APBB1: variants seen among roughly 807,000 people sequenced by gnomAD.
APBB1 encodes the protein adaptor protein FE65a2.
In APBB1, 22 loss-of-function variants were observed where a neutral mutation model predicts 78.4. The observed-to-expected ratio is 0.28, with a 90% CI of 0.20 to 0.40. The LOEUF is 0.40. Among genes scored for constraint, APBB1 ranks in the 10% least tolerant of loss-of-function variants. The pLI is 1.00. For missense variants in APBB1, 749 were observed against 932.4 expected (o/e 0.80, Z 2.56); for synonymous variants, 369 against 372.7 (o/e 0.99, Z 0.12).
chr11:6,396,325 A>C, intron 12 of APBB1, 110 bp from the exon 13 acceptor site: 1 of 892,520 alleles, frequency 1.1e-6, no homozygotes, highest in Non-Finnish European at 1.7e-6. Flanking sequence ...CCCCATCCCC[A>C]CTTTGCCAGC....
chr11:6,410,994 A>C lies in APBB1; in HGVS notation c.354T>G (p.Ser118=), dbSNP rs1490363160. Residue 118 remains serine (S), a synonymous_variant, in exon 2 of 15, where the codon TCT becomes TCG. Transcript: ENST00000609360. Reference sequence around the variant, plus strand: ...CGTTGTGAGCTGAGAGCTCCAGCTCAGAGTACAGGTGTATCAGGCCTTTGG... The same window carrying C: ...CGTTGTGAGCTGAGAGCTCCAGCTCCGAGTACAGGTGTATCAGGCCTTTGG... The part of the protein sequence containing the change: ...LGPKGLIHLY[S]ELELSAHNAA... 1 of 1,614,166 alleles carries C rather than the reference A, an allele frequency of 6.2e-7. No homozygotes were observed. The highest frequency in any genetic ancestry group is 2.2e-5 in the East Asian group (1 of 44,870).
At chr11:6,404,736 G>A in intron 2 of APBB1, 1 of 1,536,212 alleles carries the variant, frequency 6.5e-7, no homozygotes, top group Non-Finnish European at 8.7e-7. Context: ...ACCTCATGCT[G>A]CCCCTCACCT....
At chr11:6,405,226 C>T (rs754248985) in intron 2 of APBB1, 80 of 1,048,138 alleles carry the variant, frequency 7.6e-5, no homozygotes, top group Non-Finnish European at 9.2e-5. Context: ...GAGCCTATAG[C>T]TGTCAGCATA....
rs777348403 is a variant in APBB1 at position 6,403,859 on chromosome 11, C to T, written c.722-37G>A. 6.6e-7 allele frequency: 1 copy of T among 1,520,544 alleles called. No individual in the cohort carries two copies. Among genetic ancestry groups the T allele is most frequent in the Non-Finnish European group, 8.8e-7 (1 of 1,133,720 alleles). 94.2% of individuals were successfully genotyped at this position (1,520,544 alleles called of 1,614,324 possible). ...GAGGCTTGGTGAGGGTCAGCCTACC[C>T]AAAGAGCAGACAGCTGGTGCCTATG... On this transcript the variant is annotated intron_variant, in intron 2 of 14. Coordinates refer to ENST00000609360, the MANE Select transcript of APBB1 (RefSeq NM_001164.5). The surrounding 1 kb of genome is among the most constrained non-coding windows in gnomAD (Gnocchi z 5.3).
intron 12 of APBB1, 44 bp downstream of exon 12, chr11:6,400,945 T>C (rs766309407): frequency 1.3e-6 from 2 of 1,577,580 alleles, no homozygotes; most frequent in Admixed American, 3.3e-5. Context: ...GGCAGAGTTT[T>C]AGGATCAAGG....
Position 6,401,542 on chromosome 11 carries a change from G to C in APBB1, c.1503+32C>G. On this transcript the variant is annotated intron_variant, in intron 10 of 14. Transcript: ENST00000609360. The surrounding 1 kb of genome is among the most constrained non-coding windows in gnomAD (Gnocchi z 4.5). ...CCCACACCCTTGTAGAGCAAAGGTG[G>C]CAACTAGTCCAGGGAGTGGAGGGGG... The C allele has an allele frequency of 1.2e-6, 2 of 1,614,088 alleles. No individual in the cohort carries two copies. The highest frequency in any genetic ancestry group is 1.7e-6 in the Non-Finnish European group (2 of 1,179,976).
upstream of APBB1, chr11:6,419,416 T>G: frequency 1.8e-5 from 3 of 165,148 alleles, no homozygotes; most frequent in Non-Finnish European, 2.6e-5. Flanking sequence ...GGAGCCCGAA[T>G]GGCGGCGGCT....
At chr11:6,418,162 A>G (rs1849168352) in intron 1 of APBB1, among the ~76,000 whole-genome samples, 1 of 152,342 alleles carries the variant, frequency 6.6e-6, no homozygotes, top group Admixed American at 6.5e-5. Context: ...GATTGAGAAG[A>G]GCAGACAATG....
Position 6,397,602 on chromosome 11 carries a change from CT to C in APBB1, c.1673-1388del, listed in dbSNP as rs762126842. ...CCCTGCTGGACTGAGAAACTTCAGA[CT>C]GTCATCCTTCAGGGCTCCAACTAGG... is the stretch of plus-strand genomic sequence containing the variant. On this transcript the variant is annotated intron_variant, in intron 12 of 14. Transcript: ENST00000609360. 5.9e-5 allele frequency among the ~76,000 whole-genome samples: 9 copies of C among 152,350 alleles called. No homozygotes were observed. In the South Asian group the frequency reaches 8.3e-4, roughly 14 times the overall value.
intron 1 of APBB1, among the ~76,000 whole-genome samples, chr11:6,416,691 A>G (rs1849125412): frequency 2.0e-5 from 3 of 151,752 alleles, no homozygotes; most frequent in African/African-American, 7.3e-5. Flanking sequence ...TCTGGACTTC[A>G]TCTACTCTCC....
At position 6,403,093 on chromosome 11, in the gene APBB1, C is replaced by G. The variant is rs1225475665; in HGVS notation, c.1104+52G>C. ...CTCAGAGCACAACATTAGGGGCTGT[C>G]TGACAAATAAGAGGGCCCCAGACTC... On this transcript the variant is annotated intron_variant, in intron 6 of 14. Transcript: ENST00000609360. The surrounding 1 kb of genome is among the most constrained non-coding windows in gnomAD (Gnocchi z 5.3). 1 of 1,537,710 alleles carries G rather than the reference C, an allele frequency of 6.5e-7. No homozygotes were observed.
rs1417228766 is a variant in APBB1, at chr11:6,403,917, G to C, written c.722-95C>G. The C allele has an allele frequency of 7.3e-7, 1 of 1,366,782 alleles. No individual in the cohort carries two copies. Among genetic ancestry groups the C allele is most frequent in the African/African-American group, 1.5e-5 (1 of 68,694 alleles). 84.7% of individuals were successfully genotyped at this position (1,366,782 alleles called of 1,614,324 possible). A position where few individuals can be genotyped will look rare whatever the true frequency, so the allele number is the denominator to read the frequency against. ...CCCTCTGAGACCCCATGGTTGAGAAGGGGTGGTGGAAGAGCTATACCACAA... is the reference window on the plus strand; with the variant it reads ...CCCTCTGAGACCCCATGGTTGAGAACGGGTGGTGGAAGAGCTATACCACAA... On this transcript the variant is annotated intron_variant, in intron 2 of 14. Coordinates refer to ENST00000609360, the MANE Select transcript of APBB1 (RefSeq NM_001164.5). This position sits in a 1 kb window ranked among gnomAD's most constrained non-coding sequence, Gnocchi z 5.3.
intron 1 of APBB1, among the ~76,000 whole-genome samples, chr11:6,418,375 G>A (rs1849172583): frequency 6.6e-6 from 1 of 152,210 alleles, no homozygotes; most frequent in African/African-American, 2.4e-5. Flanking sequence ...GTAAGGAAAT[G>A]AAGACAGCAA....
chr11:6,413,436 C>T (rs111933040), intron 1 of APBB1, among the ~76,000 whole-genome samples: 2,803 of 152,184 alleles, frequency 0.018, 91 homozygotes, highest in African/African-American at 0.063. Context: ...TCACCACTAC[C>T]CCCCTTCCCT....
chr11:6,419,216 A>G (rs67622999), upstream of APBB1: 62,983 of 302,298 alleles, frequency 0.21, 6,963 homozygotes, highest in South Asian at 0.24. Context: ...TGGGGGCCTC[A>G]CCCTGCGGGC....
At chr11:6,410,052 C>G (rs1451497713) in intron 2 of APBB1, among the ~76,000 whole-genome samples, 1 of 150,856 alleles carries the variant, frequency 6.6e-6, no homozygotes, top group African/African-American at 2.4e-5. Flanking sequence ...TAAAACGGGG[C>G]AGACTGGCGA....
At chr11:6,413,409 T>C (rs1849031014) in intron 1 of APBB1, among the ~76,000 whole-genome samples, 1 of 152,064 alleles carries the variant, frequency 6.6e-6, no homozygotes, top group Non-Finnish European at 1.5e-5. Context: ...TACTAAGGAG[T>C]TCTTTCTTTC....
At chr11:6,419,222 C>T, upstream of APBB1, 1 of 299,972 alleles carries the variant, frequency 3.3e-6, no homozygotes, top group Admixed American at 5.1e-5. Flanking sequence ...CCTCACCCTG[C>T]GGGCGGCCCT....
intron 2 of APBB1, chr11:6,404,702 C>G (rs1055860443): frequency 4.6e-6 from 7 of 1,535,912 alleles, no homozygotes; most frequent in Non-Finnish European, 6.1e-6. Flanking sequence ...CTCTCCCTGT[C>G]AGCCCCACCC....
Sources: gnomAD v4.1 joint callset for allele counts (sites outside exome capture counted in the v4.1 genomes callset) on GRCh38, gnomAD v4.1.1 for gene constraint, Gnocchi (gnomAD v3.1) non-coding constraint, MANE v1.5 for transcripts, NCBI Gene and HGNC (gene_info 2026-07-23, HGNC 2026-07-21) for gene names.